Variants in NRXN3 observed in about 807,000 individuals in gnomAD.
NRXN3 encodes the protein neurexin 3, also known as neurexin III.
Under a neutral mutation model 137.6 loss-of-function variants are expected in NRXN3, and 32 were observed. That is an observed-to-expected ratio of 0.23 (90% CI 0.18 to 0.31). NRXN3 has a LOEUF of 0.31. Among genes scored for constraint, NRXN3 ranks in the 10% least tolerant of loss-of-function variants. The pLI is 1.00. For synonymous variants in NRXN3, 798 were observed against 784.5 expected (o/e 1.02, Z -0.29); for missense variants, 1,574 against 2,062.5 (o/e 0.76, Z 4.59).
chr14:78,855,188 G>A (rs950861211), intron 10 of NRXN3, among the ~76,000 whole-genome samples: 1 of 151,666 alleles, frequency 6.6e-6, no homozygotes, highest in Non-Finnish European at 1.5e-5. Flanking sequence ...TACAAAAAAG[G>A]TATATATGAC....
intron 15 of NRXN3, among the ~76,000 whole-genome samples, chr14:79,306,675 T>G (rs1283774778): frequency 1.3e-5 from 2 of 152,064 alleles, no homozygotes; most frequent in African/African-American, 4.8e-5. Context: ...AGATGCTAGC[T>G]TTCTACTTTT....
intron 15 of NRXN3, among the ~76,000 whole-genome samples, chr14:79,016,544 C>T (rs9323669): frequency 0.4 from 61,172 of 151,984 alleles, 13,113 homozygotes; most frequent in African/African-American, 0.52. Context: ...TAGACATGGT[C>T]CCAGCTCTAG....
chr14:78,747,995 G>A lies in NRXN3; in HGVS notation c.2044+32856G>A, dbSNP rs1172670111. ...ATTTTACATGAAAGAGAACACTTGG[G>A]TACTGGTGAAATGCTTAGGTCAGCA... On this transcript the variant is annotated intron_variant, in intron 8 of 20. Transcript: ENST00000335750. 1.3e-5 allele frequency among the ~76,000 whole-genome samples: 2 copies of A among 152,148 alleles called. 1 individual carries two copies. Among genetic ancestry groups the A allele is most frequent in the East Asian group, 3.9e-4 (2 of 5,192 alleles).
chr14:78,425,102 G>A (rs778240785), intron 4 of NRXN3, among the ~76,000 whole-genome samples: 3 of 152,178 alleles, frequency 2.0e-5, no homozygotes, highest in Non-Finnish European at 2.9e-5. Flanking sequence ...TGGTGGGACT[G>A]GAAGATGTCT....
intron 4 of NRXN3, among the ~76,000 whole-genome samples, chr14:78,362,741 C>T (rs2085320003): frequency 6.6e-6 from 1 of 152,132 alleles, no homozygotes; most frequent in Non-Finnish European, 1.5e-5. Context: ...ACTGTTTTCC[C>T]TAGGAACAGT....
intron 1 of NRXN3, among the ~76,000 whole-genome samples, chr14:78,173,801 A>T (rs1458754854): frequency 2.3e-5 from 3 of 129,432 alleles, no homozygotes; most frequent in Non-Finnish European, 3.2e-5. Context: ...CAAAGTCGGC[A>T]CATCCACACA....
At chr14:79,617,835 G>T (rs1190908443) in intron 16 of NRXN3, among the ~76,000 whole-genome samples, 2 of 148,104 alleles carry the variant, frequency 1.4e-5, no homozygotes, top group African/African-American at 5.1e-5. Context: ...TTTGAGAACT[G>T]AGTATTATAA....
At chr14:79,527,149 C>T (rs1032851794) in intron 16 of NRXN3, among the ~76,000 whole-genome samples, 11 of 151,764 alleles carry the variant, frequency 7.2e-5, no homozygotes, top group Non-Finnish European at 1.2e-4. Flanking sequence ...CAAAAATTAG[C>T]CGGGCATGGT....
At chr14:78,276,946 T>C (rs2073687988) in intron 2 of NRXN3, among the ~76,000 whole-genome samples, 1 of 152,220 alleles carries the variant, frequency 6.6e-6, no homozygotes, top group East Asian at 1.9e-4. Flanking sequence ...TATACAACAC[T>C]TTTTCCCTTT....
At chr14:78,848,793 A>G (rs982647858) in intron 10 of NRXN3, among the ~76,000 whole-genome samples, 2 of 152,110 alleles carry the variant, frequency 1.3e-5, no homozygotes, top group Non-Finnish European at 2.9e-5. Context: ...GCAAAAGGAG[A>G]TTACAGAAGA....
intron 15 of NRXN3, among the ~76,000 whole-genome samples, chr14:79,218,160 A>G (rs1356156275): frequency 6.6e-6 from 1 of 152,118 alleles, no homozygotes; most frequent in Non-Finnish European, 1.5e-5. Flanking sequence ...TTTCAACTAG[A>G]TGTTGGAAAA....
chr14:78,973,621 G>A (rs139237686), intron 14 of NRXN3, among the ~76,000 whole-genome samples: 3 of 152,294 alleles, frequency 2.0e-5, no homozygotes, highest in South Asian at 2.1e-4. Context: ...AATACCACAT[G>A]TGAGATGTTA....
intron 15 of NRXN3, among the ~76,000 whole-genome samples, chr14:79,417,110 T>C (rs1459805746): frequency 2.0e-5 from 3 of 152,154 alleles, no homozygotes; most frequent in African/African-American, 7.2e-5. Flanking sequence ...TCTTCGCTTC[T>C]CTGTAACTTG....
chr14:79,679,888 G>A (rs569796001), intron 17 of NRXN3, among the ~76,000 whole-genome samples: 21 of 152,234 alleles, frequency 1.4e-4, no homozygotes, highest in African/African-American at 4.1e-4. Context: ...GAGTCATGAC[G>A]TAACTATAAG....
intron 7 of NRXN3, among the ~76,000 whole-genome samples, chr14:78,713,015 A>G (rs1043896963): frequency 1.3e-5 from 2 of 152,242 alleles, no homozygotes; most frequent in South Asian, 2.1e-4. Context: ...CTTGATACCA[A>G]TAAAGCACAT....
chr14:79,308,731 T>G (rs1233246675), intron 15 of NRXN3, among the ~76,000 whole-genome samples: 1 of 151,756 alleles, frequency 6.6e-6, no homozygotes, highest in Non-Finnish European at 1.5e-5. Context: ...TCTCTTGTCT[T>G]GCATGATAGA....
chr14:78,361,228 T>G (rs1247127065), intron 4 of NRXN3, among the ~76,000 whole-genome samples: 1 of 152,130 alleles, frequency 6.6e-6, no homozygotes, highest in Non-Finnish European at 1.5e-5. Context: ...GAAATAAAAA[T>G]CTCTGGGCAT....
chr14:79,481,230 A>T (rs756788128), intron 16 of NRXN3, among the ~76,000 whole-genome samples: 15 of 152,156 alleles, frequency 9.9e-5, no homozygotes, highest in Non-Finnish European at 1.9e-4. Flanking sequence ...TTATTAATTA[A>T]CTAGTTAACA....
chr14:79,613,047 T>G (rs1013561378), intron 16 of NRXN3, among the ~76,000 whole-genome samples: 9 of 152,222 alleles, frequency 5.9e-5, no homozygotes, highest in Non-Finnish European at 1.2e-4. Context: ...ACAGAAAGAC[T>G]GCTTAAAGGC....
Sources: gnomAD v4.1 joint callset for allele counts (sites outside exome capture counted in the v4.1 genomes callset) on GRCh38, gnomAD v4.1.1 for gene constraint, MANE v1.5 for transcripts, NCBI Gene and HGNC (gene_info 2026-07-23, HGNC 2026-07-21) for gene names.